Variants in BRD10 observed in about 807,000 individuals in gnomAD.
BRD10 encodes the protein bromodomain containing 10.
At chr9:5,960,771 C>A in the BRD10 span, among the ~76,000 whole-genome samples, 3 of 152,068 alleles carry the variant, frequency 2.0e-5, no homozygotes, top group African/African-American at 7.2e-5. Context: ...TCTACTTGCT[C>A]TACACAATCT....
the BRD10 span, chr9:5,909,038 T>C: frequency 9.9e-6 from 3 of 304,110 alleles, no homozygotes; most frequent in Non-Finnish European, 6.1e-6. Flanking sequence ...AATTTCTCTT[T>C]ACTTGAAATT....
the BRD10 span, chr9:5,921,449 C>T: frequency 6.2e-7 from 1 of 1,613,934 alleles, no homozygotes; most frequent in East Asian, 2.2e-5. Flanking sequence ...GGTTGATGTA[C>T]CACTAGGAAC....
the BRD10 span, among the ~76,000 whole-genome samples, chr9:5,940,129 T>G: frequency 5.3e-5 from 8 of 152,246 alleles, no homozygotes; most frequent in Non-Finnish European, 1.0e-4. Flanking sequence ...TTTCTTTCTT[T>G]TTAACATATC....
chr9:5,953,833 C>T, the BRD10 span, among the ~76,000 whole-genome samples: 16 of 151,908 alleles, frequency 1.1e-4, no homozygotes, highest in South Asian at 2.1e-4. Context: ...GTAAAAATTA[C>T]GAAATACTAG....
At chr9:5,997,841 C>T in the BRD10 span, among the ~76,000 whole-genome samples, 1 of 152,154 alleles carries the variant, frequency 6.6e-6, no homozygotes, top group African/African-American at 2.4e-5. Flanking sequence ...ACATTCCTGT[C>T]TGCTCTGAGC....
the BRD10 span, among the ~76,000 whole-genome samples, chr9:5,906,594 C>A: frequency 6.6e-6 from 1 of 152,214 alleles, no homozygotes; most frequent in Non-Finnish European, 1.5e-5. Context: ...ATTCACTCTT[C>A]TTATCCTTCC....
the BRD10 span, among the ~76,000 whole-genome samples, chr9:5,884,101 C>G: frequency 6.6e-6 from 1 of 152,232 alleles, no homozygotes; most frequent in Non-Finnish European, 1.5e-5. Flanking sequence ...CCCTTCATAT[C>G]ACCAATCCAG....
the BRD10 span, chr9:5,909,378 C>G: frequency 7.2e-5 from 11 of 152,404 alleles, no homozygotes; most frequent in African/African-American, 2.7e-4. Flanking sequence ...CCTGCCTTAG[C>G]CTCCTGAGTA....
the BRD10 span, chr9:6,008,376 G>C: frequency 2.3e-6 from 2 of 881,454 alleles, no homozygotes; most frequent in African/African-American, 3.6e-5. Flanking sequence ...GGGGAGAAAG[G>C]GGAGGGGCAG....
the BRD10 span, among the ~76,000 whole-genome samples, chr9:5,890,045 G>T: frequency 2.0e-5 from 3 of 152,090 alleles, no homozygotes; most frequent in Non-Finnish European, 4.4e-5. Context: ...TTGATTATGA[G>T]AGTCTGGGAC....
chr9:5,966,455 C>CATT, the BRD10 span, among the ~76,000 whole-genome samples: 1 of 83,750 alleles, frequency 1.2e-5, no homozygotes, highest in Non-Finnish European at 2.1e-5. Context: ...CTAACATTTC[C>CATT]TTTTTTTTTT....
the BRD10 span, among the ~76,000 whole-genome samples, chr9:5,936,664 C>T: frequency 1.3e-5 from 2 of 152,058 alleles, no homozygotes; most frequent in Non-Finnish European, 1.5e-5. Flanking sequence ...AATATTCAGT[C>T]CACTGAGTTT....
At chr9:5,907,013 T>C in the BRD10 span, 2 of 1,502,720 alleles carry the variant, frequency 1.3e-6, no homozygotes, top group African/African-American at 2.9e-5. Context: ...GTTAAGATCC[T>C]TCATAAGGGT....
the BRD10 span, among the ~76,000 whole-genome samples, chr9:5,908,230 C>G: frequency 6.6e-6 from 1 of 152,154 alleles, no homozygotes; most frequent in African/African-American, 2.4e-5. Flanking sequence ...CACATTTGTT[C>G]TGGATACAAT....
At chr9:5,939,996 T>C in the BRD10 span, among the ~76,000 whole-genome samples, 1 of 152,212 alleles carries the variant, frequency 6.6e-6, no homozygotes, top group Non-Finnish European at 1.5e-5. Flanking sequence ...GCTTCTGACT[T>C]CTCTAATATT....
chr9:5,885,326 T>A, the BRD10 span, among the ~76,000 whole-genome samples: 4 of 152,224 alleles, frequency 2.6e-5, no homozygotes, highest in East Asian at 7.7e-4. Flanking sequence ...GCACTAGCCT[T>A]TCTCAATGAA....
chr9:5,911,151 T>C, the BRD10 span, among the ~76,000 whole-genome samples: 2 of 152,244 alleles, frequency 1.3e-5, no homozygotes, highest in African/African-American at 2.4e-5. Flanking sequence ...TCCAACGCTT[T>C]CTTTTAGCAG....
chr9:5,972,562 CT>C, the BRD10 span, among the ~76,000 whole-genome samples: 1 of 152,086 alleles, frequency 6.6e-6, no homozygotes. Flanking sequence ...TGAGTTCTCA[CT>C]CTACTGGTTG....
the BRD10 span, chr9:5,909,213 G>C: frequency 7.2e-3 from 1,101 of 153,358 alleles, 12 homozygotes; most frequent in Non-Finnish European, 9.5e-3. Context: ...ATGTCTCTTT[G>C]TGCTCTAAAA....
Sources: gnomAD v4.1 joint callset for allele counts (sites outside exome capture counted in the v4.1 genomes callset) on GRCh38, gnomAD v4.1.1 for gene constraint, MANE v1.5 for transcripts, NCBI Gene and HGNC (gene_info 2026-07-23, HGNC 2026-07-21) for gene names.